The following MYH16 variants were observed in gnomAD, a reference collection of about 807,000 sequenced individuals.
The protein encoded by MYH16 is putative uncharacterized protein MYH16.
chr7:99,274,285 G>T (rs1792082572), intron 20 of MYH16, among the ~76,000 whole-genome samples: 1 of 152,168 alleles, frequency 6.6e-6, no homozygotes, highest in African/African-American at 2.4e-5. Context: ...CCTGTGCTGG[G>T]GCCACCATTA....
chr7:99,264,867 C>A (rs1010463980), intron 15 of MYH16, among the ~76,000 whole-genome samples: 9 of 152,228 alleles, frequency 5.9e-5, no homozygotes, highest in African/African-American at 2.2e-4. Context: ...TTCTTGCAAA[C>A]CACGGCCCCT....
intron 38 of MYH16, 76 bp from the exon 20 acceptor site, chr7:99,302,989 G>A (rs1011224063): frequency 6.6e-6 from 1 of 152,556 alleles, no homozygotes; most frequent in South Asian, 2.1e-4. Context: ...TCTGGCAGAG[G>A]TCATGTTCTT....
chr7:99,249,502 G>T (rs554339893), intron 4 of MYH16, among the ~76,000 whole-genome samples: 76 of 136,406 alleles, frequency 5.6e-4, no homozygotes, highest in Admixed American at 8.5e-4. Flanking sequence ...TCACACCACT[G>T]CACTCCAGCC....
chr7:99,272,182 GA>G (rs1792054721), intron 19 of MYH16, among the ~76,000 whole-genome samples: 1 of 152,150 alleles, frequency 6.6e-6, no homozygotes, highest in African/African-American at 2.4e-5. Context: ...CCCCTAACAG[GA>G]AACAACTAAT....
intron 21 of MYH16, among the ~76,000 whole-genome samples, chr7:99,278,406 C>T (rs1792148787): frequency 6.6e-6 from 1 of 152,148 alleles, no homozygotes; most frequent in Non-Finnish European, 1.5e-5. Flanking sequence ...CTTACCCACT[C>T]CAAGCCTTGT....
intron 33 of MYH16, 122 bp from the exon 15 acceptor site, chr7:99,296,579 A>C: frequency 1.0e-5 from 4 of 387,066 alleles, no homozygotes; most frequent in South Asian, 7.5e-5. Context: ...CCAATTCCCA[A>C]GGAGTCCGTA....
intron 12 of MYH16, chr7:99,261,102 G>C (rs1483266223): frequency 6.6e-6 from 1 of 151,936 alleles, no homozygotes; most frequent in Admixed American, 6.6e-5. Context: ...AAAAAGCAGA[G>C]AGCACAGGTG....
At position 99,299,927 on chromosome 7, in the gene MYH16, TTTTATTTATTTATTTA is replaced by T. The variant is rs61663432; in HGVS notation, n.4933+305_4933+320del. Among the ~76,000 whole-genome samples the T allele has an allele frequency of 4.4e-3, 604 of 138,220 alleles. 1 individual carries two copies. The highest frequency in any genetic ancestry group is 5.7e-3 in the Non-Finnish European group (372 of 64,814). The allele number at this position is 138,220 out of a possible 152,430, so 90.7% of individuals were successfully genotyped here. ...TGGGCCCGTCTAGATTTTTATTTTA[TTTTATTTATTTATTTA>T]TTTATTTATTTATTTATTTATTTAT... On this transcript the variant is annotated intron_variant and non_coding_transcript_variant, in intron 37 of 41. Transcript: ENST00000439784.
chr7:99,274,586 G>C (rs1180525013), intron 20 of MYH16, among the ~76,000 whole-genome samples: 1 of 152,128 alleles, frequency 6.6e-6, no homozygotes, highest in Non-Finnish European at 1.5e-5. Context: ...ATCTAGGTGA[G>C]CATGTCTCAA....
At chr7:99,283,914 G>A (rs1317935778) in exon 25 of MYH16, 1 of 456,374 alleles carries the variant, frequency 2.2e-6, no homozygotes. Flanking sequence ...TCCGGGCGGA[G>A]GTGGAAAAGG....
At chr7:99,256,020 A>T (rs1384737495) in intron 9 of MYH16, among the ~76,000 whole-genome samples, 3 of 152,224 alleles carry the variant, frequency 2.0e-5, no homozygotes, top group Admixed American at 6.5e-5. Flanking sequence ...CTCTTATGAC[A>T]CTAAGCACTC....
chr7:99,249,398 G>A (rs2150806845), intron 4 of MYH16, among the ~76,000 whole-genome samples: 1 of 151,658 alleles, frequency 6.6e-6, no homozygotes, highest in South Asian at 2.1e-4. Flanking sequence ...AATTAGCCAG[G>A]TATGGTGGTG....
intron 25 of MYH16, 22 bp downstream of exon 7, chr7:99,284,040 T>C (rs748950920): frequency 1.4e-5 from 6 of 436,324 alleles, no homozygotes; most frequent in African/African-American, 8.1e-5. Context: ...CGTCGTTCGT[T>C]TTGTCCATCA....
At chr7:99,247,614 C>A (rs549077939) in exon 3 of MYH16, 1 of 187,266 alleles carries the variant, frequency 5.3e-6, no homozygotes, top group Admixed American at 5.3e-5. Flanking sequence ...GCTTGTTCTG[C>A]GTGACGGTCA....
chr7:99,297,868 G>A (rs1335866983), intron 35 of MYH16, 24 bp from the exon 17 acceptor site: 1 of 456,706 alleles, frequency 2.2e-6, no homozygotes, highest in South Asian at 1.5e-5. Flanking sequence ...TGGCCAGAAA[G>A]ACTCATGGTT....
rs73709624 is a variant in MYH16 at position 99,283,806 on chromosome 7, G to A, written n.3080-67G>A. On this transcript the variant is annotated intron_variant and non_coding_transcript_variant, in intron 24 of 41. Transcript: ENST00000439784. ...CAGCTAAAGGATCGGACCCAGTCTG[G>A]TTCCTTCTTGCCTTCTGACCTCAGA... The A allele has an allele frequency of 1.8e-3, 782 of 434,216 alleles. 3 individuals carry two copies. Among genetic ancestry groups the A allele is most frequent in the African/African-American group, 0.015 (729 of 49,832 alleles). The allele number at this position is 434,216 out of a possible 1,614,324, so 26.9% of individuals were successfully genotyped here.
exon 25 of MYH16, chr7:99,283,985 G>A (rs368141949): frequency 4.8e-5 from 22 of 454,568 alleles, no homozygotes; most frequent in Middle Eastern, 3.3e-4. Flanking sequence ...GAGATGGAGC[G>A]TTCCAAGCTG....
chr7:99,243,776 T>C (rs1328471000), intron 2 of MYH16, among the ~76,000 whole-genome samples: 5 of 150,714 alleles, frequency 3.3e-5, no homozygotes, highest in African/African-American at 1.2e-4. Flanking sequence ...TATCCATTCA[T>C]CCATCTATCC....
chr7:99,267,663 T>C (rs569128397), intron 18 of MYH16, among the ~76,000 whole-genome samples: 1 of 152,208 alleles, frequency 6.6e-6, no homozygotes, highest in Non-Finnish European at 1.5e-5. Flanking sequence ...GCGGCTGAGA[T>C]GGGACTGACT....
Sources: gnomAD v4.1 joint callset for allele counts (sites outside exome capture counted in the v4.1 genomes callset) on GRCh38, gnomAD v4.1.1 for gene constraint, MANE v1.5 for transcripts, NCBI Gene and HGNC (gene_info 2026-07-23, HGNC 2026-07-21) for gene names.